The following NR3C1 variants were observed in gnomAD, a reference collection of about 807,000 sequenced individuals.
The protein encoded by NR3C1 is nuclear receptor subfamily 3 group C member 1, also known as glucocorticoid receptor.
Under a neutral mutation model 74.0 loss-of-function variants are expected in NR3C1, and 14 were observed. The observed-to-expected ratio is 0.19, with a 90% CI of 0.12 to 0.30. The LOEUF (loss-of-function observed/expected upper bound fraction) is 0.30. Among genes scored for constraint, NR3C1 ranks in the 10% least tolerant of loss-of-function variants. The probability of loss-of-function intolerance (pLI) is 1.00; values close to 1 mark genes in which losing one functional copy is unlikely to be tolerated. For synonymous variants in NR3C1, 308 were observed against 332.5 expected (o/e 0.93, Z 0.80); for missense variants, 695 against 909.8 (o/e 0.76, Z 3.04).
intron 2 of NR3C1, among the ~76,000 whole-genome samples, chr5:143,386,434 C>T (rs74882746): frequency 3.0e-4 from 45 of 152,218 alleles, no homozygotes; most frequent in African/African-American, 6.5e-4. Flanking sequence ...GAATGGGATC[C>T]GCATCTGTTA....
rs72481835 is a variant in NR3C1, at chr5:143,314,084, C to T, written c.1269G>A (p.Val423=). Residue 423 remains valine, a synonymous_variant, in exon 3 of 9, where the codon GTG becomes GTA. Transcript: ENST00000394464. ...GACATCCTGAAGCTTCATCAGAGCA[C>T]ACCAGGCAGAGTTTGGGAGGTGGTC... ...TTGPPPKLCL[V]CSDEASGCHY... is the part of the protein sequence containing the mutation. The T allele has an allele frequency of 2.2e-5, 35 of 1,613,816 alleles. No homozygotes were observed. Among genetic ancestry groups the T allele is most frequent in the African/African-American group, 2.1e-4 (16 of 75,036 alleles).
Position 143,294,821 on chromosome 5 carries a change from A to C in NR3C1, c.2023+639T>G, listed in dbSNP as rs1816807671. 5.9e-6 allele frequency: 4 copies of C among 683,374 alleles called. 1 individual carries two copies. The Admixed American group carries it at 1.9e-4, about 32-fold the overall frequency. 42.3% of individuals were successfully genotyped at this position (683,374 alleles called of 1,614,324 possible). ...ATGTGTTTTCATGGCTTGACAGCTT[A>C]TTTCTTTTTAGTCCTCAATAGTATT... On this transcript the variant is annotated intron_variant, in intron 7 of 8. Transcript: ENST00000394464.
intron 2 of NR3C1, among the ~76,000 whole-genome samples, chr5:143,335,301 T>C (rs1826900036): frequency 6.6e-6 from 1 of 152,214 alleles, no homozygotes; most frequent in African/African-American, 2.4e-5. Flanking sequence ...TCTGTAACCA[T>C]AAAGCCCAAC....
chr5:143,348,367 C>A (rs180851997), intron 2 of NR3C1, among the ~76,000 whole-genome samples: 1 of 152,320 alleles, frequency 6.6e-6, no homozygotes, highest in Admixed American at 6.5e-5. Context: ...GTAGATTCCA[C>A]ATCTGCAAGT....
chr5:143,281,298 A>ATAAC lies in NR3C1; in HGVS notation c.*587_*590dup, dbSNP rs1372022495. 1 of 153,860 alleles carries ATAAC rather than the reference A, an allele frequency of 6.5e-6. No individual in the cohort carries two copies. The highest frequency in any genetic ancestry group is 2.4e-5 in the African/African-American group (1 of 41,456). 9.5% of individuals were successfully genotyped at this position (153,860 alleles called of 1,614,324 possible). A position where few individuals can be genotyped will look rare whatever the true frequency, so the allele number is the denominator to read the frequency against. ...GCTGCCCATCTTAAACAGCTGTACA[A>ATAAC]TAACTTGAATAAAAAATTATGTAAG... is the stretch of plus-strand genomic sequence containing the variant. On this transcript the variant is annotated 3_prime_UTR_variant, in exon 9 of 9. Coordinates refer to ENST00000394464, the MANE Select transcript of NR3C1 (RefSeq NM_000176.3).
intron 6 of NR3C1, among the ~76,000 whole-genome samples, chr5:143,295,863 T>A (rs72481848): frequency 1.8e-4 from 28 of 152,346 alleles, no homozygotes; most frequent in African/African-American, 5.8e-4. Context: ...TATTATTTAA[T>A]TAAAGTGTTA....
intron 1 of NR3C1, chr5:143,402,846 G>C (rs1052550068): frequency 2.0e-6 from 2 of 984,840 alleles, no homozygotes; most frequent in South Asian, 9.4e-5. Flanking sequence ...ACGAAAACGG[G>C]TGTCGGGCGA....
chr5:143,300,830 T>A lies in NR3C1; in HGVS notation c.1469-67A>T. Reference sequence around the variant, plus strand: ...GGAAGGTCTGCGCTACACAGTTTATTCAAGAAGTATTTTTACTTTCTAAAA... The same window carrying A: ...GGAAGGTCTGCGCTACACAGTTTATACAAGAAGTATTTTTACTTTCTAAAA... On this transcript the variant is annotated intron_variant, in intron 4 of 8. Transcript: ENST00000394464. The surrounding 1 kb of genome is among the most constrained non-coding windows in gnomAD (Gnocchi z 5.2). 1.4e-6 allele frequency: 2 copies of A among 1,387,236 alleles called. No individual in the cohort carries two copies. Among genetic ancestry groups the A allele is most frequent in the Non-Finnish European group, 2.0e-6 (2 of 1,001,106 alleles). The allele number at this position is 1,387,236 out of a possible 1,614,324, so 85.9% of individuals were successfully genotyped here. A position where few individuals can be genotyped will look rare whatever the true frequency, so the allele number is the denominator to read the frequency against.
At chr5:143,431,501 T>G (rs1296984154) in intron 1 of NR3C1, among the ~76,000 whole-genome samples, 12 of 143,322 alleles carry the variant, frequency 8.4e-5, no homozygotes, top group African/African-American at 1.8e-4. Flanking sequence ...TGTCAGGGGG[T>G]GGGGGGTAAG....
chr5:143,426,214 G>T lies in NR3C1; in HGVS notation c.-14+8318C>A, dbSNP rs375872134. Among the ~76,000 whole-genome samples the T allele has an allele frequency of 1.5e-4, 23 of 152,298 alleles. No homozygotes were observed. The East Asian group carries it at 2.7e-3, about 18-fold the overall frequency. On this transcript the variant is annotated intron_variant, in intron 1 of 8. Transcript: ENST00000343796. ...GAAATAATTAATTAGTGGTCGCCAG[G>T]GGGCTAGGGAAAAGGGAATTGGGAG...
chr5:143,345,071 T>G (rs1331750214), intron 2 of NR3C1, among the ~76,000 whole-genome samples: 2 of 152,074 alleles, frequency 1.3e-5, no homozygotes, highest in Non-Finnish European at 2.9e-5. Context: ...CCAGTTTGAG[T>G]GTGAGTGTGC....
intron 2 of NR3C1, among the ~76,000 whole-genome samples, chr5:143,336,810 C>G (rs1329882984): frequency 6.6e-6 from 1 of 151,548 alleles, no homozygotes; most frequent in South Asian, 2.1e-4. Flanking sequence ...ATGGCGAAAC[C>G]CTGTTTCTAT....
chr5:143,345,755 GTTT>G (rs1829170734), intron 2 of NR3C1, among the ~76,000 whole-genome samples: 1 of 151,860 alleles, frequency 6.6e-6, no homozygotes, highest in Non-Finnish European at 1.5e-5. Flanking sequence ...ATTATTTTTT[GTTT>G]TTATTATTCT....
chr5:143,298,118 A>G (rs1561500641), intron 6 of NR3C1, among the ~76,000 whole-genome samples: 1 of 152,226 alleles, frequency 6.6e-6, no homozygotes, highest in East Asian at 1.9e-4. Context: ...CACAGGAATA[A>G]GCTTAGAGGA....
chr5:143,297,906 A>G (rs1463032330), intron 6 of NR3C1, among the ~76,000 whole-genome samples: 1 of 152,152 alleles, frequency 6.6e-6, no homozygotes, highest in Non-Finnish European at 1.5e-5. Flanking sequence ...AAAGTCTGAA[A>G]TCATGCAGAA....
chr5:143,399,435 T>C lies in NR3C1; in HGVS notation c.1184+221A>G, dbSNP rs10482623. Among the ~76,000 whole-genome samples the C allele has an allele frequency of 8.3e-3, 1,256 of 152,242 alleles. 3 individuals carry two copies. The highest frequency in any genetic ancestry group is 0.017 in the Middle Eastern group (5 of 294). On this transcript the variant is annotated intron_variant, in intron 2 of 8. Coordinates refer to ENST00000394464, the MANE Select transcript of NR3C1 (RefSeq NM_000176.3). The stretch of plus-strand genomic sequence containing the variant: ...AAATAAAATCCTCACCGTTGGCCAA[T>C]GGGATACTGAAAACCACTATTTAAG...
chr5:143,383,116 C>T (rs181189907), intron 2 of NR3C1, among the ~76,000 whole-genome samples: 82 of 152,318 alleles, frequency 5.4e-4, no homozygotes, highest in African/African-American at 1.9e-3. Context: ...ATGTGTCCTA[C>T]AAATGTCTTG....
chr5:143,422,411 A>G (rs1751284915), intron 1 of NR3C1, among the ~76,000 whole-genome samples: 1 of 152,150 alleles, frequency 6.6e-6, no homozygotes, highest in Non-Finnish European at 1.5e-5. Flanking sequence ...TCTGTTTCTC[A>G]CTGTTCTTAT....
rs9324923 is a variant in NR3C1 at position 143,402,467 on chromosome 5, G to A, written c.-14+744C>T. 1.8e-3 allele frequency: 731 copies of A among 399,424 alleles called. 3 individuals are homozygous for A. The highest frequency in any genetic ancestry group is 0.015 in the African/African-American group (693 of 46,160). The allele number at this position is 399,424 out of a possible 1,614,324, so 24.7% of individuals were successfully genotyped here. A position where few individuals can be genotyped will look rare whatever the true frequency, so the allele number is the denominator to read the frequency against. On this transcript the variant is annotated intron_variant, in intron 1 of 8. Transcript: ENST00000394464. ...GCAGCACAAAACCATTACGGTTACA[G>A]GGGGTCTTTTTCTAAAAGGGGCCAC... is the stretch of plus-strand genomic sequence containing the variant.
Sources: allele counts gnomAD v4.1 joint callset (sites outside exome capture counted in the v4.1 genomes callset), GRCh38; gene constraint gnomAD v4.1.1; non-coding constraint Gnocchi (gnomAD v3.1); transcripts MANE v1.5; gene names NCBI Gene and HGNC (gene_info 2026-07-23, HGNC 2026-07-21).